The following AATF variants were observed in gnomAD, a reference collection of about 807,000 sequenced individuals.
AATF encodes the protein apoptosis antagonizing transcription factor, also known as protein AATF.
AATF carries 48 observed loss-of-function variants against 63.7 expected under a neutral mutation model. The ratio of observed to expected loss-of-function variants is 0.75; its 90% CI spans 0.60 to 0.96. The LOEUF is 0.96. AATF is among the 40% of genes least tolerant of loss of function. AATF has a pLI of 0.00. For missense variants in AATF, 639 were observed against 685.7 expected (o/e 0.93, Z 0.76); for synonymous variants, 258 against 247.7 (o/e 1.04, Z -0.39).
chr17:37,031,799 G>A (rs2071554117), intron 11 of AATF, 114 bp downstream of exon 11: 6 of 873,222 alleles, frequency 6.9e-6, no homozygotes, highest in South Asian at 6.8e-5. Context: ...TTTGTCATTG[G>A]CATCGCAGTA....
chr17:36,960,031 C>G (rs941741884), intron 4 of AATF, among the ~76,000 whole-genome samples: 16 of 151,506 alleles, frequency 1.1e-4, no homozygotes, highest in Non-Finnish European at 1.5e-5. Flanking sequence ...TTTCCCCCCC[C>G]GAGATGGAGT....
intron 8 of AATF, among the ~76,000 whole-genome samples, chr17:36,999,558 A>G (rs1014794282): frequency 6.6e-6 from 1 of 152,228 alleles, no homozygotes; most frequent in Admixed American, 6.5e-5. Flanking sequence ...GAGCTCTGTT[A>G]GAGGCTGGAA....
rs193250989 is a variant in AATF, at chr17:37,017,429, C to T, written c.1399-1576C>T. On this transcript the variant is annotated intron_variant, in intron 8 of 11. Transcript: ENST00000619387. The stretch of plus-strand genomic sequence containing the variant: ...GCCCATTTCTGCTTAGCCTTAAGGG[C>T]AGCTGTTTACACAGCAGCAGTGTTA... Among the ~76,000 whole-genome samples the T allele has an allele frequency of 3.2e-4, 49 of 152,220 alleles. No individual in the cohort carries two copies. The East Asian group carries it at 7.9e-3, about 25-fold the overall frequency.
At chr17:37,033,026 A>G (rs1254339876) in intron 11 of AATF, among the ~76,000 whole-genome samples, 1 of 152,240 alleles carries the variant, frequency 6.6e-6, no homozygotes, top group Non-Finnish European at 1.5e-5. Context: ...TTTGTTTGCT[A>G]CCAAATGCCA....
intron 3 of AATF, 54 bp downstream of exon 3, chr17:36,953,350 T>C: frequency 6.4e-7 from 1 of 1,567,580 alleles, no homozygotes; most frequent in Non-Finnish European, 8.6e-7. Flanking sequence ...GCATTTGGTC[T>C]ACTTTTCATT....
intron 9 of AATF, 39 bp from the exon 10 acceptor site, chr17:37,020,895 G>A (rs1281119820): frequency 1.3e-6 from 2 of 1,501,902 alleles, no homozygotes; most frequent in African/African-American, 1.4e-5. Context: ...AACTATTTCT[G>A]TTAGTGATGA....
chr17:37,023,151 A>G (rs767930289), intron 10 of AATF, among the ~76,000 whole-genome samples: 15 of 152,194 alleles, frequency 9.9e-5, no homozygotes, highest in Non-Finnish European at 1.9e-4. Context: ...GTCTGGTGAT[A>G]TGATTTTGGT....
intron 11 of AATF, among the ~76,000 whole-genome samples, chr17:37,037,020 T>G (rs575717846): frequency 4.6e-5 from 7 of 151,404 alleles, no homozygotes; most frequent in Non-Finnish European, 1.0e-4. Context: ...GTTTTTTTTT[T>G]TTTTTTGAGA....
chr17:36,961,481 A>G (rs1260299468), intron 4 of AATF, among the ~76,000 whole-genome samples: 3 of 152,150 alleles, frequency 2.0e-5, no homozygotes, highest in Admixed American at 6.5e-5. Context: ...TCTTAATGAG[A>G]TATTTTACAT....
chr17:37,017,472 A>G (rs1453099366), intron 8 of AATF, among the ~76,000 whole-genome samples: 2 of 152,136 alleles, frequency 1.3e-5, no homozygotes, highest in Admixed American at 6.6e-5. Flanking sequence ...TTACTGTGTC[A>G]TATGTCTGTG....
intron 8 of AATF, among the ~76,000 whole-genome samples, chr17:37,006,498 C>T (rs1167893926): frequency 6.6e-6 from 1 of 152,162 alleles, no homozygotes; most frequent in Non-Finnish European, 1.5e-5. Flanking sequence ...AAGTCAGTCA[C>T]TTAGTCCTTG....
chr17:36,950,495 G>A (rs1053077411), intron 2 of AATF, 90 bp downstream of exon 2: 2 of 1,283,966 alleles, frequency 1.6e-6, no homozygotes, highest in East Asian at 2.5e-5. Context: ...CTTTGCAAGA[G>A]TAGTCTGCGG....
chr17:37,041,405 C>T (rs1374168778), intron 11 of AATF, among the ~76,000 whole-genome samples: 1 of 152,186 alleles, frequency 6.6e-6, no homozygotes, highest in Non-Finnish European at 1.5e-5. Flanking sequence ...AATATCTAAA[C>T]TTTCTAATGA....
At chr17:36,955,229 A>C (rs1435693848) in intron 4 of AATF, among the ~76,000 whole-genome samples, 2 of 152,216 alleles carry the variant, frequency 1.3e-5, no homozygotes, top group African/African-American at 2.4e-5. Context: ...GCCTTAAGAC[A>C]TTCAAGATCA....
intron 10 of AATF, among the ~76,000 whole-genome samples, chr17:37,028,986 A>G (rs778080912): frequency 5.9e-5 from 9 of 152,218 alleles, no homozygotes; most frequent in Non-Finnish European, 1.2e-4. Flanking sequence ...TATGTGAAAC[A>G]AACGTAACAA....
chr17:36,984,441 A>G (rs1040076146), intron 4 of AATF, among the ~76,000 whole-genome samples: 5 of 152,198 alleles, frequency 3.3e-5, no homozygotes, highest in African/African-American at 1.2e-4. Context: ...CTGACACAGT[A>G]TGTGTGAAGG....
In AATF at chr17:37,048,769, C is replaced by T. The variant is rs1043222970; in HGVS notation, c.1620-7832C>T. ...CCACACAGCCCCAAAGAGCACAGGG[C>T]GATTGCCTGCCATTTGGATCAGTAT... On this transcript the variant is annotated intron_variant, in intron 11 of 11. Coordinates refer to ENST00000619387, the MANE Select transcript of AATF (RefSeq NM_012138.4). 7.9e-5 allele frequency among the ~76,000 whole-genome samples: 12 copies of T among 152,260 alleles called. No individual in the cohort carries two copies. In the South Asian group the frequency reaches 8.3e-4, roughly 11 times the overall value.
chr17:36,989,181 A>G (rs1005485963), intron 6 of AATF, 66 bp from the exon 7 acceptor site: 1 of 1,506,896 alleles, frequency 6.6e-7, no homozygotes, highest in Non-Finnish European at 8.9e-7. Flanking sequence ...AAGATAGAGA[A>G]ACCAATGTAG....
intron 4 of AATF, among the ~76,000 whole-genome samples, chr17:36,981,872 A>G (rs2071128385): frequency 6.6e-6 from 1 of 151,706 alleles, no homozygotes; most frequent in Admixed American, 6.6e-5. Context: ...ATATAACAAA[A>G]TTTACTATCC....
Sources: allele counts gnomAD v4.1 joint callset (sites outside exome capture counted in the v4.1 genomes callset), GRCh38; gene constraint gnomAD v4.1.1; transcripts MANE v1.5; gene names NCBI Gene and HGNC (gene_info 2026-07-23, HGNC 2026-07-21).